The following NRG4 variants were observed in gnomAD, a reference collection of about 807,000 sequenced individuals.
NRG4 encodes the protein pro-neuregulin-4, membrane-bound isoform.
A neutral mutation model predicts 15.0 loss-of-function variants in NRG4; 10 were observed. That is an observed-to-expected ratio of 0.67 (90% CI 0.41 to 1.13). The LOEUF is 1.13. Ranked by LOEUF, NRG4 falls within the 50% of genes most tolerant of loss-of-function variation. NRG4 has a pLI of 0.00. For synonymous variants in NRG4, 41 were observed against 50.1 expected (o/e 0.82, Z 0.77); for missense variants, 139 against 140.2 (o/e 0.99, Z 0.04).
At chr15:76,041,597 T>C (rs1458619996) in intron 4 of NRG4, among the ~76,000 whole-genome samples, 1 of 152,126 alleles carries the variant, frequency 6.6e-6, no homozygotes, top group Non-Finnish European at 1.5e-5. Context: ...AAGGTCATTA[T>C]ATAATAATGA....
intron 3 of NRG4, among the ~76,000 whole-genome samples, chr15:75,991,432 A>T: frequency 6.6e-6 from 1 of 152,212 alleles, no homozygotes; most frequent in East Asian, 1.9e-4. Context: ...CATGGGTCAT[A>T]GTTTGCTGAT....
chr15:75,959,338 T>C (rs937188156), intron 4 of NRG4, among the ~76,000 whole-genome samples: 3 of 149,364 alleles, frequency 2.0e-5, no homozygotes, highest in African/African-American at 7.7e-5. Flanking sequence ...ATAGCAGATA[T>C]TCTTATAAAT....
rs919552739 is a variant in NRG4, at chr15:76,048,283, C to G, written c.-105+3784G>C. ...GGCCAGGAGTTTGAGACTAGCGTGG[C>G]CAATGTGGTAAAACCCCATCTCTAC... On this transcript the variant is annotated intron_variant, in intron 4 of 8. Coordinates refer to the NRG4 transcript ENST00000563910. Among the ~76,000 whole-genome samples, 14 of 150,460 alleles carry G rather than the reference C, an allele frequency of 9.3e-5. 1 individual carries two copies. Among genetic ancestry groups the G allele is most frequent in the African/African-American group, 3.5e-4 (14 of 40,266 alleles).
At chr15:76,036,491 C>T (rs1308979732) in intron 4 of NRG4, among the ~76,000 whole-genome samples, 1 of 152,056 alleles carries the variant, frequency 6.6e-6, no homozygotes, top group Non-Finnish European at 1.5e-5. Flanking sequence ...AGAGAATGGG[C>T]TCTGGAGCCA....
chr15:76,040,790 T>A (rs2035717306), intron 4 of NRG4, among the ~76,000 whole-genome samples: 1 of 152,112 alleles, frequency 6.6e-6, no homozygotes, highest in Non-Finnish European at 1.5e-5. Context: ...CCAGCTGTGG[T>A]CATGCATGCC....
intron 3 of NRG4, chr15:75,969,238 T>C (rs774033618): frequency 2.2e-6 from 1 of 456,042 alleles, no homozygotes; most frequent in South Asian, 1.5e-5. Context: ...ACAAAAGAAG[T>C]TAAGTATTAG....
chr15:76,005,679 GAAAAA>G (rs776504828), intron 3 of NRG4: 83 of 151,948 alleles, frequency 5.5e-4, no homozygotes, highest in South Asian at 7.2e-4. Flanking sequence ...CTCTGTCTCA[GAAAAA>G]AAAAAAAAAA....
At chr15:75,983,224 AT>A (rs1267520471) in intron 3 of NRG4, among the ~76,000 whole-genome samples, 1 of 152,220 alleles carries the variant, frequency 6.6e-6, no homozygotes, top group Non-Finnish European at 1.5e-5. Flanking sequence ...AGCAAAACAT[AT>A]TTACAATGCA....
intron 2 of NRG4, among the ~76,000 whole-genome samples, chr15:76,010,451 T>G (rs1352370093): frequency 1.3e-5 from 2 of 152,122 alleles, no homozygotes; most frequent in Non-Finnish European, 2.9e-5. Flanking sequence ...ATAATTGCTA[T>G]GAGTCAGATA....
At chr15:76,050,104 A>G (rs1175977884) in intron 4 of NRG4, among the ~76,000 whole-genome samples, 1 of 150,954 alleles carries the variant, frequency 6.6e-6, no homozygotes, top group Non-Finnish European at 1.5e-5. Context: ...TTAGAAATAT[A>G]TCATGTTAGC....
chr15:76,007,427 CTTTTTT>C (rs61259541), intron 3 of NRG4, among the ~76,000 whole-genome samples: 2 of 133,520 alleles, frequency 1.5e-5, no homozygotes, highest in Non-Finnish European at 1.6e-5. Flanking sequence ...ATTAAACGCA[CTTTTTT>C]TTTTTTTTTT....
chr15:76,033,132 C>T (rs1217668238), intron 5 of NRG4, among the ~76,000 whole-genome samples: 2 of 152,312 alleles, frequency 1.3e-5, no homozygotes, highest in South Asian at 2.1e-4. Context: ...AAAATGTAAA[C>T]TGGGCTATGT....
chr15:75,999,974 C>T (rs1474069167), intron 3 of NRG4, among the ~76,000 whole-genome samples: 1 of 152,136 alleles, frequency 6.6e-6, no homozygotes, highest in African/African-American at 2.4e-5. Context: ...ACCTCTGCCT[C>T]CCAGATTCAA....
chr15:75,993,392 TAAA>T (rs60453624), intron 3 of NRG4, among the ~76,000 whole-genome samples: 2,099 of 72,030 alleles, frequency 0.029, 62 homozygotes, highest in African/African-American at 0.099. Flanking sequence ...GAGGATTCTG[TAAA>T]AAAAAAAAAA....
At chr15:76,043,211 G>A (rs1373589596) in intron 4 of NRG4, among the ~76,000 whole-genome samples, 1 of 152,094 alleles carries the variant, frequency 6.6e-6, no homozygotes, top group Non-Finnish European at 1.5e-5. Context: ...ATGTGGAATA[G>A]CTGAGTCTTT....
chr15:75,998,136 G>C (rs897895649), intron 3 of NRG4, among the ~76,000 whole-genome samples: 1 of 152,142 alleles, frequency 6.6e-6, no homozygotes, highest in African/African-American at 2.4e-5. Context: ...AAAGTAGTGG[G>C]GCATTCATTC....
intron 3 of NRG4, chr15:76,005,849 T>C (rs1382047932): frequency 2.6e-6 from 1 of 391,588 alleles, no homozygotes; most frequent in Non-Finnish European, 5.0e-6. Context: ...GCAGGCAACA[T>C]AACACAAAGT....
At chr15:76,050,478 A>T (rs1279697983) in intron 4 of NRG4, among the ~76,000 whole-genome samples, 1 of 104,142 alleles carries the variant, frequency 9.6e-6, no homozygotes, top group African/African-American at 4.1e-5. Flanking sequence ...GTCTCACTCT[A>T]TTGCCCTGGC....
chr15:75,941,029 A>C lies in NRG4; in HGVS notation c.*2609T>G, dbSNP rs553352845. On this transcript the variant is annotated 3_prime_UTR_variant, in exon 6 of 6. Transcript: ENST00000394907. ...TATGGAGTGGGAGGAAATAATATGCAGTTCACGTACCTAATAAGGATTAAA... is the reference window on the plus strand; with the variant it reads ...TATGGAGTGGGAGGAAATAATATGCCGTTCACGTACCTAATAAGGATTAAA... 1 of 152,308 alleles carries C rather than the reference A, an allele frequency of 6.6e-6. No individual in the cohort carries two copies. The highest frequency in any genetic ancestry group is 6.5e-5 in the Admixed American group (1 of 15,304). The allele number at this position is 152,308 out of a possible 1,614,324, so 9.4% of individuals were successfully genotyped here.
Sources: allele counts gnomAD v4.1 joint callset (sites outside exome capture counted in the v4.1 genomes callset), GRCh38; gene constraint gnomAD v4.1.1; transcripts MANE v1.5; gene names NCBI Gene and HGNC (gene_info 2026-07-23, HGNC 2026-07-21).